The following GRID1 variants were observed in gnomAD, a reference collection of about 807,000 sequenced individuals.
GRID1 encodes the protein glutamate receptor ionotropic, delta-1.
A neutral mutation model predicts 98.0 loss-of-function variants in GRID1; 28 were observed. The ratio of observed to expected loss-of-function variants is 0.29; its 90% CI spans 0.21 to 0.39. The LOEUF is 0.39. Ranked by LOEUF, GRID1 falls within the 10% of genes least tolerant of loss-of-function variation. The pLI, the probability that GRID1 is intolerant of heterozygous loss-of-function variation, is 1.00. For synonymous variants in GRID1, 553 were observed against 538.5 expected (o/e 1.03, Z -0.37); for missense variants, 1,111 against 1,340.5 (o/e 0.83, Z 2.67).
At chr10:86,318,052 A>C (rs1847922604) in intron 2 of GRID1, among the ~76,000 whole-genome samples, 1 of 151,970 alleles carries the variant, frequency 6.6e-6, no homozygotes, top group South Asian at 2.1e-4. Flanking sequence ...GCATCCTTTG[A>C]CTTATATAGA....
intron 2 of GRID1, among the ~76,000 whole-genome samples, chr10:86,296,308 G>A (rs7923401): frequency 0.066 from 10,050 of 152,298 alleles, 592 homozygotes; most frequent in African/African-American, 0.16. Context: ...ATGTCTGTCT[G>A]TTTGAGGACA....
intron 2 of GRID1, among the ~76,000 whole-genome samples, chr10:86,298,434 A>AG (rs147169580): frequency 0.018 from 2,671 of 152,308 alleles, 38 homozygotes; most frequent in Non-Finnish European, 0.031. Flanking sequence ...ACTCAGACAA[A>AG]GGAGTCTCTT....
chr10:85,821,985 A>T lies in GRID1; in HGVS notation c.1233+32511T>A, dbSNP rs1318872699. On this transcript the variant is annotated intron_variant, in intron 8 of 15. Transcript: ENST00000327946. ...GTGCTGGGAACACTGGCTAGCCATA[A>T]GTAGAAAGCTGAAACTGGATCCCTT... Among the ~76,000 whole-genome samples, 5 of 152,086 alleles carry T rather than the reference A, an allele frequency of 3.3e-5. No individual in the cohort carries two copies. In the East Asian group the frequency reaches 9.7e-4, roughly 29 times the overall value.
intron 8 of GRID1, among the ~76,000 whole-genome samples, chr10:85,778,106 G>A (rs1842348562): frequency 6.6e-6 from 1 of 152,260 alleles, no homozygotes; most frequent in Admixed American, 6.5e-5. Flanking sequence ...GGAATCAATG[G>A]GACTAGAACT....
At chr10:86,075,954 G>C (rs1843875614) in intron 4 of GRID1, among the ~76,000 whole-genome samples, 1 of 152,256 alleles carries the variant, frequency 6.6e-6, no homozygotes, top group South Asian at 2.1e-4. Flanking sequence ...TTGGGGCCAA[G>C]ACTCATGCTG....
chr10:85,829,214 T>C (rs1842846277), intron 8 of GRID1, among the ~76,000 whole-genome samples: 1 of 152,102 alleles, frequency 6.6e-6, no homozygotes, highest in Admixed American at 6.6e-5. Context: ...CACATGATTA[T>C]CTCAATAAAT....
intron 2 of GRID1, among the ~76,000 whole-genome samples, chr10:86,238,747 G>A (rs1283749571): frequency 1.3e-5 from 2 of 151,706 alleles, no homozygotes; most frequent in African/African-American, 4.9e-5. Context: ...CATAAGCCTT[G>A]CTGGCTTCCA....
intron 4 of GRID1, among the ~76,000 whole-genome samples, chr10:86,069,007 A>C (rs1843758945): frequency 6.6e-6 from 1 of 152,004 alleles, no homozygotes; most frequent in Admixed American, 6.5e-5. Flanking sequence ...CCTAGTCTCC[A>C]GCTTGATTAG....
intron 8 of GRID1, among the ~76,000 whole-genome samples, chr10:85,739,161 C>T (rs1407770458): frequency 6.6e-6 from 1 of 152,116 alleles, no homozygotes; most frequent in East Asian, 1.9e-4. Flanking sequence ...CACACAAACA[C>T]ACACACACAT....
At chr10:86,278,224 C>G (rs967032047) in intron 2 of GRID1, among the ~76,000 whole-genome samples, 1 of 151,890 alleles carries the variant, frequency 6.6e-6, no homozygotes, top group Non-Finnish European at 1.5e-5. Context: ...ATATTCCAGA[C>G]AAATCATAAT....
intron 8 of GRID1, among the ~76,000 whole-genome samples, chr10:85,755,057 T>C (rs1362707202): frequency 2.0e-5 from 3 of 151,932 alleles, no homozygotes; most frequent in African/African-American, 4.8e-5. Context: ...AGCCTGTGGG[T>C]TTTTAGTCTT....
chr10:86,235,776 G>A (rs1275966892), intron 2 of GRID1, among the ~76,000 whole-genome samples: 1 of 152,184 alleles, frequency 6.6e-6, no homozygotes, highest in Non-Finnish European at 1.5e-5. Flanking sequence ...ATCCAATTTT[G>A]TTTATCTATT....
intron 2 of GRID1, among the ~76,000 whole-genome samples, chr10:86,315,002 C>A (rs1230350667): frequency 1.8e-5 from 1 of 54,260 alleles, no homozygotes. Flanking sequence ...CCAGGACTGA[C>A]CTTCTGCCCC....
intron 2 of GRID1, among the ~76,000 whole-genome samples, chr10:86,338,264 G>T (rs984301783): frequency 2.1e-5 from 3 of 142,544 alleles, no homozygotes; most frequent in Non-Finnish European, 4.5e-5. Context: ...CATGAACCAG[G>T]GTGGGCCAAT....
At chr10:86,074,679 G>C (rs1408675109) in intron 4 of GRID1, among the ~76,000 whole-genome samples, 2 of 152,182 alleles carry the variant, frequency 1.3e-5, no homozygotes, top group Non-Finnish European at 2.9e-5. Flanking sequence ...GTAACCCTTT[G>C]ATATAATGAT....
chr10:85,722,890 T>C, intron 12 of GRID1, 113 bp downstream of exon 12: 1 of 714,806 alleles, frequency 1.4e-6, no homozygotes, highest in Non-Finnish European at 2.0e-6. Flanking sequence ...CAGGAGACCA[T>C]CAGTTTGCAG....
rs1040620081 is a variant in GRID1 at position 85,893,555 on chromosome 10, T to A, written c.780+22631A>T. ...AGCAAGATTAGGAACACAAGGTCAA[T>A]ATCCAGAAACCAGTTGTATTGCTAC... On this transcript the variant is annotated intron_variant, in intron 5 of 15. Transcript: ENST00000327946. Among the ~76,000 whole-genome samples the A allele has an allele frequency of 2.0e-5, 3 of 152,256 alleles. No individual in the cohort carries two copies. The South Asian group carries it at 6.2e-4, about 32-fold the overall frequency.
chr10:85,707,747 A>T (rs191898364), intron 12 of GRID1, among the ~76,000 whole-genome samples: 249 of 152,370 alleles, frequency 1.6e-3, no homozygotes, highest in African/African-American at 5.4e-3. Flanking sequence ...GATTAAGGAA[A>T]TGTGGCACAT....
Position 85,619,843 on chromosome 10 carries a change from AGTTACC to A in GRID1, c.2360+18_2360+23del, listed in dbSNP as rs755226568. 4.4e-6 allele frequency: 7 copies of A among 1,593,242 alleles called. No individual in the cohort carries two copies. The highest frequency in any genetic ancestry group is 5.2e-6 in the Non-Finnish European group (6 of 1,161,280). On this transcript the variant is annotated intron_variant, in intron 14 of 15. Transcript: ENST00000327946. ...ACCACTAGAGTCCTGAGGCAGCGGT[AGTTACC>A]TTGCTGCCCAAGCCTACCTCTGGGA...
Sources: gnomAD v4.1 joint callset for allele counts (sites outside exome capture counted in the v4.1 genomes callset) on GRCh38, gnomAD v4.1.1 for gene constraint, MANE v1.5 for transcripts, NCBI Gene and HGNC (gene_info 2026-07-23, HGNC 2026-07-21) for gene names.